Variants in RHD observed in about 807,000 individuals in gnomAD.
RHD encodes the protein blood group Rh(D) polypeptide.
A neutral mutation model predicts 45.5 loss-of-function variants in RHD; 16 were observed. The ratio of observed to expected loss-of-function variants is 0.35; its 90% CI spans 0.24 to 0.53. The LOEUF is 0.53. Ranked by LOEUF, RHD falls within the 20% of genes least tolerant of loss-of-function variation. The pLI, the probability that RHD is intolerant of heterozygous loss-of-function variation, is 0.92. For synonymous variants in RHD, 131 were observed against 217.5 expected, an observed-to-expected ratio of 0.60 and a Z score of 3.50; for missense variants, 306 against 532.0, an observed-to-expected ratio of 0.58 and a Z score of 4.18.
At chr1:25,305,568 CGTGT>C in intron 6 of RHD, among the ~76,000 whole-genome samples, 1 of 119,218 alleles carries the variant, frequency 8.4e-6, no homozygotes, top group Admixed American at 8.0e-5. Context: ...GGCTAATTTT[CGTGT>C]GTGTATGTAT....
intron 1 of RHD, among the ~76,000 whole-genome samples, chr1:25,283,704 G>A (rs1482156609): frequency 7.5e-6 from 1 of 133,856 alleles, no homozygotes; most frequent in Non-Finnish European, 1.8e-5. Context: ...TAGGCACATG[G>A]TAAACGCTTA....
chr1:25,309,233 AT>A lies in RHD; in HGVS notation c.1073+2509del, dbSNP rs574814902. On this transcript the variant is annotated intron_variant, in intron 7 of 9. Transcript: ENST00000328664. ...TGGAGCATTTCCCACAAACTGTGGG[AT>A]TTTTAAGTAATGGGAAGGCACACTG... is the stretch of plus-strand genomic sequence containing the variant. 6.6e-3 allele frequency among the ~76,000 whole-genome samples: 867 copies of A among 131,844 alleles called. 147 individuals are homozygous for A. The highest frequency in any genetic ancestry group is 0.022 in the African/African-American group (831 of 38,118). The allele number at this position is 131,844 out of a possible 152,430, so 86.5% of individuals were successfully genotyped here.
rs1033689503 is a variant in RHD at position 25,273,927 on chromosome 1, T to C, written c.148+1232T>C. On this transcript the variant is annotated intron_variant, in intron 1 of 9. Coordinates refer to ENST00000328664, the MANE Select transcript of RHD (RefSeq NM_016124.6). ...AGTAGGACTTAGGGAGGGAAGCCCT[T>C]ATACCATTTAAGGTGCTGGCCCAGA... is the stretch of plus-strand genomic sequence containing the variant. Among the ~76,000 whole-genome samples the C allele has an allele frequency of 1.5e-5, 2 of 130,130 alleles. 1 individual carries two copies. The highest frequency in any genetic ancestry group is 3.6e-5 in the Non-Finnish European group (2 of 54,872). 85.4% of individuals were successfully genotyped at this position (130,130 alleles called of 152,430 possible).
chr1:25,307,975 T>C (rs1485276945), intron 7 of RHD, among the ~76,000 whole-genome samples: 1 of 125,750 alleles, frequency 8.0e-6, no homozygotes, highest in African/African-American at 2.8e-5. Context: ...CTCTGAAAGA[T>C]GAGGACTTGA....
intron 7 of RHD, among the ~76,000 whole-genome samples, chr1:25,316,450 T>A (rs184898719): frequency 0.021 from 2,567 of 124,974 alleles, 252 homozygotes; most frequent in African/African-American, 0.066. Context: ...TGAAACCCCG[T>A]CTCTATTAAT....
At position 25,298,973 on chromosome 1, in the gene RHD, C is replaced by G. The variant is rs185249671; in HGVS notation, c.487-1973C>G. ...TACAGACCTGAAGGTAACGAGTGCA[C>G]AAGCCATATGGGTACCTGAGAACAG... is the stretch of plus-strand genomic sequence containing the variant. On this transcript the variant is annotated intron_variant, in intron 3 of 9. Coordinates refer to ENST00000328664, the MANE Select transcript of RHD (RefSeq NM_016124.6). Among the ~76,000 whole-genome samples the G allele has an allele frequency of 1.6e-5, 2 of 121,798 alleles. 1 individual carries two copies. The highest frequency in any genetic ancestry group is 3.8e-5 in the Non-Finnish European group (2 of 53,146). The allele number at this position is 121,798 out of a possible 152,430, so 79.9% of individuals were successfully genotyped here.
Position 25,330,407 on chromosome 1 carries a change from T to C in RHD, c.*1483T>C, listed in dbSNP as rs368454829. ...CAGACCAAGGTTCTTTTTGTTTACA[T>C]AATACTTGAAAAATAAAAATGAACA... On this transcript the variant is annotated 3_prime_UTR_variant, in exon 10 of 10. Coordinates refer to ENST00000328664, the MANE Select transcript of RHD (RefSeq NM_016124.6). The C allele has an allele frequency of 3.8e-5, 5 of 133,250 alleles. 2 individuals are homozygous for C. Among genetic ancestry groups the C allele is most frequent in the African/African-American group, 7.7e-5 (3 of 39,050 alleles). The allele number at this position is 133,250 out of a possible 1,614,324, so 8.3% of individuals were successfully genotyped here.
chr1:25,300,913 G>C lies in RHD; in HGVS notation c.487-33G>C, dbSNP rs193122509. ...GGGCTTGCCCCGGGCAGAGGATGCC[G>C]ACACTCACTGCTCTTACTGGGTTTT... is the stretch of plus-strand genomic sequence containing the variant. On this transcript the variant is annotated intron_variant, in intron 3 of 9. Transcript: ENST00000328664. 91 of 1,370,446 alleles carry C rather than the reference G, an allele frequency of 6.6e-5. 23 individuals carry two copies. The highest frequency in any genetic ancestry group is 2.1e-4 in the Admixed American group (12 of 55,898). 84.9% of individuals were successfully genotyped at this position (1,370,446 alleles called of 1,614,324 possible).
At position 25,319,640 on chromosome 1, in the gene RHD, A is replaced by G. The variant is rs746463273; in HGVS notation, c.1154-2249A>G. The stretch of plus-strand genomic sequence containing the variant: ...GGAAACAAAACAACTTGGACAATGG[A>G]AGGGGGAAAAAGTTCCTCAAGCAGC... On this transcript the variant is annotated intron_variant, in intron 8 of 9. Coordinates refer to ENST00000328664, the MANE Select transcript of RHD (RefSeq NM_016124.6). Among the ~76,000 whole-genome samples, 3 of 132,170 alleles carry G rather than the reference A, an allele frequency of 2.3e-5. 1 individual carries two copies. The highest frequency in any genetic ancestry group is 5.4e-5 in the Non-Finnish European group (3 of 55,748). The allele number at this position is 132,170 out of a possible 152,430, so 86.7% of individuals were successfully genotyped here.
chr1:25,296,363 C>T (rs1230138725), intron 3 of RHD, among the ~76,000 whole-genome samples: 2 of 123,864 alleles, frequency 1.6e-5, no homozygotes, highest in African/African-American at 5.5e-5. Context: ...TCTTGTGCCT[C>T]ACCCTCCCGA....
intron 7 of RHD, among the ~76,000 whole-genome samples, chr1:25,312,977 T>C (rs111628266): frequency 0.025 from 2,524 of 101,954 alleles, 308 homozygotes; most frequent in African/African-American, 0.073. Context: ...TTGGAATGAA[T>C]TTTGCATGTA....
chr1:25,286,897 A>G (rs923494503), intron 2 of RHD, among the ~76,000 whole-genome samples: 1 of 134,526 alleles, frequency 7.4e-6, no homozygotes, highest in Non-Finnish European at 1.8e-5. Context: ...GTCCGAGACC[A>G]ACCTGAGCAA....
In RHD at chr1:25,318,448, C is replaced by T. The variant is rs1191034585; in HGVS notation, c.1153+1369C>T. ...ACCAGAAATACAAAAATTAGCCAGG[C>T]GTGGTGGCGTGTGCCTGTAGTCCCA... On this transcript the variant is annotated intron_variant, in intron 8 of 9. Coordinates refer to ENST00000328664, the MANE Select transcript of RHD (RefSeq NM_016124.6). Among the ~76,000 whole-genome samples, 12 of 130,054 alleles carry T rather than the reference C, an allele frequency of 9.2e-5. 1 individual carries two copies. Among genetic ancestry groups the T allele is most frequent in the African/African-American group, 2.4e-4 (9 of 38,182 alleles). 85.3% of individuals were successfully genotyped at this position (130,054 alleles called of 152,430 possible). A position where few individuals can be genotyped will look rare whatever the true frequency, so the allele number is the denominator to read the frequency against.
rs1357277358 is a variant in RHD at position 25,279,289 on chromosome 1, C to T, written c.149-5284C>T. On this transcript the variant is annotated intron_variant, in intron 1 of 9. Transcript: ENST00000328664. ...TGCTGGGCGAAGTGACTTGCATGAGCCAGCGAGCTCAATGCTCATGGCAAT... is the reference window on the plus strand; with the variant it reads ...TGCTGGGCGAAGTGACTTGCATGAGTCAGCGAGCTCAATGCTCATGGCAAT... Among the ~76,000 whole-genome samples the T allele has an allele frequency of 2.3e-5, 3 of 128,260 alleles. 1 individual carries two copies. In the East Asian group the frequency reaches 5.9e-4, roughly 25 times the overall value. 84.1% of individuals were successfully genotyped at this position (128,260 alleles called of 152,430 possible).
intron 3 of RHD, among the ~76,000 whole-genome samples, chr1:25,297,974 C>A (rs615418): frequency 7.7e-6 from 1 of 130,600 alleles, no homozygotes; most frequent in African/African-American, 2.6e-5. Context: ...TTATTCTCTC[C>A]GTACATCTAA....
chr1:25,322,335 C>A (rs1247774501), intron 9 of RHD, among the ~76,000 whole-genome samples: 2 of 132,572 alleles, frequency 1.5e-5, no homozygotes, highest in Non-Finnish European at 3.6e-5. Context: ...TGGAGTCCAA[C>A]CCCTTTTTTG....
rs201807335 is a variant in RHD at position 25,301,628 on chromosome 1, G to C, written c.743G>C (p.Ser248Thr). 3 of 1,380,128 alleles carry C rather than the reference G, an allele frequency of 2.2e-6. No individual in the cohort carries two copies. The East Asian group carries it at 6.7e-5, about 31-fold the overall frequency. 85.5% of individuals were successfully genotyped at this position (1,380,128 alleles called of 1,614,324 possible). ...VFNTYYAVAV[S>T]VVTAISGSSL... ...AACACCTACTATGCTGTAGCAGTCA[G>C]CGTGGTGACAGCCATCTCAGGGTCA... The change falls in exon 5 of 10, where the codon AGC becomes ACC. Residue 248 changes from serine to threonine, a missense_variant. Ser to Thr is a moderately conservative substitution (Grantham distance 58). Coordinates refer to ENST00000328664, the MANE Select transcript of RHD (RefSeq NM_016124.6).
rs2124136129 is a variant in RHD at position 25,320,428 on chromosome 1, G to T, written c.1154-1461G>T. Reference sequence around the variant, plus strand: ...ATTCCTCAGTGATGAGTAAGCCTCAGCTATCTGGAAAATTCATGCAGGCGC... The same window carrying T: ...ATTCCTCAGTGATGAGTAAGCCTCATCTATCTGGAAAATTCATGCAGGCGC... On this transcript the variant is annotated intron_variant, in intron 8 of 9. Transcript: ENST00000328664. Among the ~76,000 whole-genome samples, 2 of 132,220 alleles carry T rather than the reference G, an allele frequency of 1.5e-5. 1 individual carries two copies. The highest frequency in any genetic ancestry group is 4.7e-4 in the South Asian group (2 of 4,254). 86.7% of individuals were successfully genotyped at this position (132,220 alleles called of 152,430 possible). A position where few individuals can be genotyped will look rare whatever the true frequency, so the allele number is the denominator to read the frequency against.
rs191107439 is a variant in RHD at position 25,305,632 on chromosome 1, G to A, written c.940-964G>A. On this transcript the variant is annotated intron_variant, in intron 6 of 9. Coordinates refer to ENST00000328664, the MANE Select transcript of RHD (RefSeq NM_016124.6). ...GTTGTTGTTGTTGAGACGGTGTCTCGCTCTTTTGCCCAGGCTGGAGTGCAG... is the reference window on the plus strand; with the variant it reads ...GTTGTTGTTGTTGAGACGGTGTCTCACTCTTTTGCCCAGGCTGGAGTGCAG... 4.7e-3 allele frequency among the ~76,000 whole-genome samples: 584 copies of A among 123,120 alleles called. 74 individuals carry two copies. Among genetic ancestry groups the A allele is most frequent in the African/African-American group, 0.015 (518 of 35,302 alleles). The allele number at this position is 123,120 out of a possible 152,430, so 80.8% of individuals were successfully genotyped here. A position where few individuals can be genotyped will look rare whatever the true frequency, so the allele number is the denominator to read the frequency against.
Sources: allele counts gnomAD v4.1 joint callset (sites outside exome capture counted in the v4.1 genomes callset), GRCh38; gene constraint gnomAD v4.1.1; transcripts MANE v1.5; gene names NCBI Gene and HGNC (gene_info 2026-07-23, HGNC 2026-07-21).